Variants in HEATR5B observed in about 807,000 individuals in gnomAD.
HEATR5B encodes HEAT repeat containing 5B.
HEATR5B carries 156 observed loss-of-function variants against 224.1 expected under a neutral mutation model. The observed-to-expected ratio is 0.70, with a 90% CI of 0.61 to 0.80. The LOEUF is 0.80. HEATR5B is among the 30% of genes least tolerant of loss of function. HEATR5B has a pLI of 0.00. For synonymous variants in HEATR5B, 1,027 were observed against 893.0 expected, an observed-to-expected ratio of 1.15 and a Z score of -2.68; for missense variants, 2,323 against 2,535.5, an observed-to-expected ratio of 0.92 and a Z score of 1.80.
intron 18 of HEATR5B, among the ~76,000 whole-genome samples, chr2:37,046,365 G>A (rs752460423): frequency 4.6e-5 from 7 of 152,164 alleles, no homozygotes; most frequent in East Asian, 3.8e-4. Context: ...TGGGCCAGGC[G>A]CACTGGCTCA....
In HEATR5B at chr2:37,015,310, G is replaced by C. The variant is rs550090834; in HGVS notation, c.4105-1290C>G. Among the ~76,000 whole-genome samples the C allele has an allele frequency of 2.6e-4, 40 of 152,276 alleles. 2 individuals carry two copies. The South Asian group carries it at 8.3e-3, about 32-fold the overall frequency. ...TGAGTTTCCATGGCCTCTGGACAGG[G>C]GGATCATATTATTAGAATTGTGCTT... On this transcript the variant is annotated intron_variant, in intron 26 of 35. Coordinates refer to ENST00000233099, the MANE Select transcript of HEATR5B (RefSeq NM_019024.3).
intron 35 of HEATR5B, among the ~76,000 whole-genome samples, chr2:36,983,737 A>C (rs1309460033): frequency 6.6e-6 from 1 of 152,006 alleles, no homozygotes; most frequent in Non-Finnish European, 1.5e-5. Context: ...CAAAAAAAAA[A>C]GTTAATAGTA....
At chr2:37,015,476 A>G (rs1668055360) in intron 26 of HEATR5B, among the ~76,000 whole-genome samples, 1 of 152,260 alleles carries the variant, frequency 6.6e-6, no homozygotes, top group African/African-American at 2.4e-5. Context: ...GAAGCATCTG[A>G]GACAGACTTG....
chr2:37,053,098 G>A (rs1670663396), intron 17 of HEATR5B, among the ~76,000 whole-genome samples: 1 of 152,178 alleles, frequency 6.6e-6, no homozygotes, highest in Admixed American at 6.5e-5. Context: ...GTAGCTTAAT[G>A]AGAACGCAAT....
chr2:37,003,727 C>G, intron 30 of HEATR5B, 41 bp from the exon 31 acceptor site: 1 of 1,393,752 alleles, frequency 7.2e-7, no homozygotes, highest in African/African-American at 1.5e-5. Flanking sequence ...TAATTTCAAT[C>G]TCAAAGAATA....
chr2:37,002,432 T>A lies in HEATR5B; in HGVS notation c.5191A>T (p.Ser1731Cys). ...CTTGGAGAGTCTGACACCTTGGTACTGAGATGTGGCATATGCCGTACTAAA... is the reference window on the plus strand; with the variant it reads ...CTTGGAGAGTCTGACACCTTGGTACAGAGATGTGGCATATGCCGTACTAAA... ...FILVRHMPHLSTKVSDSPSHI... is the reference protein window; with the variant it reads ...FILVRHMPHLCTKVSDSPSHI... Residue 1731 changes from serine (S) to cysteine (C), a missense_variant, in exon 32 of 36, where the codon AGT (serine) becomes TGT (cysteine). Physicochemically the swap from Ser to Cys is moderately radical, Grantham distance 112. Coordinates refer to ENST00000233099, the MANE Select transcript of HEATR5B (RefSeq NM_019024.3). 6.2e-7 allele frequency: 1 copy of A among 1,614,232 alleles called. No individual in the cohort carries two copies. Among genetic ancestry groups the A allele is most frequent in the Admixed American group, 1.7e-5 (1 of 60,020 alleles).
chr2:37,043,045 C>T (rs930335891), intron 18 of HEATR5B, among the ~76,000 whole-genome samples: 2 of 152,112 alleles, frequency 1.3e-5, no homozygotes, highest in African/African-American at 4.8e-5. Context: ...TAGCCAACAA[C>T]ATACATATCT....
intron 5 of HEATR5B, among the ~76,000 whole-genome samples, chr2:37,073,875 T>C (rs1672060805): frequency 6.6e-6 from 1 of 152,200 alleles, no homozygotes; most frequent in South Asian, 2.1e-4. Context: ...AAAGGAACTG[T>C]AATGAAGAAA....
Position 37,064,746 on chromosome 2 carries a change from T to A in HEATR5B, c.1578A>T (p.Lys526Asn). ...HQCPLGIPHA[K>N]GKMVVSIAED... ...TCTAGGATCTCCGTCATACCTTTCC[T>A]TTGGCATGAGGAATGCCCAAAGGAC... The change falls in exon 10 of 36, where the codon AAA (lysine) becomes AAT (asparagine). Residue 526 changes from lysine to asparagine, a missense_variant. Around this residue, in one of 12 missense-constraint regions of HEATR5B, gnomAD observed 502 missense variants for 517.8 expected, o/e 0.97. Coordinates refer to ENST00000233099, the MANE Select transcript of HEATR5B (RefSeq NM_019024.3). 1 of 1,613,990 alleles carries A rather than the reference T, an allele frequency of 6.2e-7. No homozygotes were observed. The highest frequency in any genetic ancestry group is 8.5e-7 in the Non-Finnish European group (1 of 1,179,956).
At chr2:37,079,049 A>G (rs1013391570) in intron 3 of HEATR5B, 71 bp downstream of exon 3, 9 of 925,744 alleles carry the variant, frequency 9.7e-6, no homozygotes, top group Non-Finnish European at 1.3e-5. Flanking sequence ...TTTATGGTCC[A>G]TAGTCTCCTA....
intron 2 of HEATR5B, among the ~76,000 whole-genome samples, chr2:37,081,582 G>T (rs575295922): frequency 1.1e-4 from 17 of 152,238 alleles, no homozygotes; most frequent in African/African-American, 3.4e-4. Flanking sequence ...TTTGGAGGTG[G>T]GAGTGAAGTT....
intron 30 of HEATR5B, among the ~76,000 whole-genome samples, chr2:37,004,361 G>GT (rs1000606312): frequency 6.7e-6 from 1 of 149,754 alleles, no homozygotes; most frequent in Non-Finnish European, 1.5e-5. Flanking sequence ...ATCATATCTC[G>GT]TATGTTTTCA....
intron 4 of HEATR5B, 50 bp downstream of exon 4, chr2:37,076,861 T>C: frequency 7.2e-7 from 1 of 1,382,814 alleles, no homozygotes; most frequent in South Asian, 1.2e-5. Context: ...AGCTGACATC[T>C]AACTCTTGCC....
intron 21 of HEATR5B, among the ~76,000 whole-genome samples, chr2:37,037,134 A>G (rs1409307353): frequency 7.1e-6 from 1 of 141,582 alleles, no homozygotes; most frequent in Non-Finnish European, 1.5e-5. Flanking sequence ...GAGTAGGAAA[A>G]CTAAAAATGT....
In HEATR5B at chr2:36,981,531, G is replaced by A; in HGVS notation, c.6175C>T (p.His2059Tyr). The change falls in exon 36 of 36, where the codon CAT (histidine) becomes TAT (tyrosine). Residue 2059 changes from histidine (H) to tyrosine (Y), a missense_variant. Physicochemically the swap from His to Tyr is moderately conservative, Grantham distance 83. Coordinates refer to ENST00000233099, the MANE Select transcript of HEATR5B (RefSeq NM_019024.3). ...AAARQPAPAI[H>Y]SAPTIKLKTS... is the part of the protein sequence containing the mutation. ...TTTAGCTTAATTGTTGGTGCAGAAT[G>A]TATGGCGGGGGCTGGTTGTCTGGCA... 6.2e-7 allele frequency: 1 copy of A among 1,613,866 alleles called. No homozygotes were observed.
intron 18 of HEATR5B, among the ~76,000 whole-genome samples, chr2:37,049,008 T>C (rs550165395): frequency 6.6e-6 from 1 of 152,338 alleles, no homozygotes; most frequent in South Asian, 2.1e-4. Context: ...AACACAAGTG[T>C]CAGTTCTTGA....
chr2:37,023,845 G>C (rs368801883), intron 24 of HEATR5B, among the ~76,000 whole-genome samples: 5 of 152,070 alleles, frequency 3.3e-5, no homozygotes, highest in African/African-American at 1.2e-4. Context: ...GAGGCAAGCA[G>C]AGAAGGCAAA....
chr2:37,038,389 C>T (rs1412678312), intron 20 of HEATR5B, among the ~76,000 whole-genome samples: 1 of 152,154 alleles, frequency 6.6e-6, no homozygotes, highest in African/African-American at 2.4e-5. Flanking sequence ...ATCCACCCGC[C>T]GTGGCCTCCC....
chr2:37,018,733 A>G (rs1210863790), intron 26 of HEATR5B, among the ~76,000 whole-genome samples: 1 of 152,256 alleles, frequency 6.6e-6, no homozygotes, highest in African/African-American at 2.4e-5. Flanking sequence ...TAGGAAGAAG[A>G]GAGTTGCTTA....
Sources: allele counts gnomAD v4.1 joint callset (sites outside exome capture counted in the v4.1 genomes callset), GRCh38; gene constraint gnomAD v4.1.1; regional missense constraint gnomAD v4.1.1; transcripts MANE v1.5; gene names NCBI Gene and HGNC (gene_info 2026-07-23, HGNC 2026-07-21).